Variants in MEGF6 observed in about 807,000 individuals in gnomAD.
The protein encoded by MEGF6 is multiple epidermal growth factor-like domains protein 6.
MEGF6 carries 184 observed loss-of-function variants against 207.1 expected under a neutral mutation model. That is an observed-to-expected ratio of 0.89 (90% confidence interval 0.79 to 1.00). The LOEUF (loss-of-function observed/expected upper bound fraction) is 1.00. Ranked by LOEUF, MEGF6 falls within the 50% of genes least tolerant of loss-of-function variation. MEGF6 has a pLI of 0.00. For missense variants in MEGF6, 2,282 were observed against 2,202.9 expected, an observed-to-expected ratio of 1.04 and a Z score of -0.72; for synonymous variants, 1,038 against 910.0, an observed-to-expected ratio of 1.14 and a Z score of -2.53.
the MEGF6 span, among the ~76,000 whole-genome samples, chr1:3,617,762 G>A: frequency 1.8e-4 from 27 of 152,368 alleles, no homozygotes; most frequent in African/African-American, 4.3e-4. Flanking sequence ...TCGGACAGGC[G>A]TCCTTGTAAG....
At chr1:3,508,932 C>A in intron 12 of MEGF6, 143 bp downstream of exon 12, 1 of 1,124,354 alleles carries the variant, frequency 8.9e-7, no homozygotes, top group African/African-American at 1.6e-5. Context: ...AGTGGCTCAC[C>A]CTCTCTGGGC....
intron 3 of MEGF6, among the ~76,000 whole-genome samples, chr1:3,586,931 G>A (rs2101799712): frequency 6.6e-6 from 1 of 152,324 alleles, no homozygotes; most frequent in Non-Finnish European, 1.5e-5. Context: ...GTGCACCAGA[G>A]CCCAGATCCA....
At position 3,509,886 on chromosome 1, in the gene MEGF6, G is replaced by A; in HGVS notation, c.1341C>T (p.Asp447=). ...SCEAGYRLHE[D]RRGCSPLEEP... Reference sequence around the variant, plus strand: ...GAGACTCACGGCTGCAGCCCCTACGGTCCTCGTGCAGCCGGTAGCCGGCCT... The same window carrying A: ...GAGACTCACGGCTGCAGCCCCTACGATCCTCGTGCAGCCGGTAGCCGGCCT... The change falls in exon 11 of 37, where the codon GAC becomes GAT. Residue 447 remains aspartate (D), a synonymous_variant. Coordinates refer to ENST00000356575, the MANE Select transcript of MEGF6 (RefSeq NM_001409.4). 1 of 1,560,238 alleles carries A rather than the reference G, an allele frequency of 6.4e-7. No individual in the cohort carries two copies. Among genetic ancestry groups the A allele is most frequent in the South Asian group, 1.2e-5 (1 of 84,790 alleles).
At chr1:3,623,913 G>A in the MEGF6 span, among the ~76,000 whole-genome samples, 1 of 152,130 alleles carries the variant, frequency 6.6e-6, no homozygotes, top group Non-Finnish European at 1.5e-5. Context: ...CGCGTGGGAG[G>A]CGCCACTGCA....
At chr1:3,595,542 C>T (rs749175980) in intron 2 of MEGF6, 95 bp from the exon 3 acceptor site, 39 of 1,098,200 alleles carry the variant, frequency 3.6e-5, no homozygotes, top group East Asian at 2.7e-4. Flanking sequence ...CTGCGTCAGC[C>T]GGGTTCCCGG....
Position 3,490,452 on chromosome 1 carries a change from CCTT to C in MEGF6, c.*73_*75del, listed in dbSNP as rs1313751159. On this transcript the variant is annotated 3_prime_UTR_variant, in exon 37 of 37. Transcript: ENST00000356575. ...CAGGAGCTCTGGGCCCGTGAAGTGT[CCTT>C]CTCAGTGGTCACCAAAGGCCAGGGT... is the stretch of plus-strand genomic sequence containing the variant. The C allele has an allele frequency of 7.9e-6, 12 of 1,525,200 alleles. No homozygotes were observed. Among genetic ancestry groups the C allele is most frequent in the Middle Eastern group, 1.7e-4 (1 of 5,880 alleles). The allele number at this position is 1,525,200 out of a possible 1,614,324, so 94.5% of individuals were successfully genotyped here.
At chr1:3,575,774 A>G (rs536689008) in intron 4 of MEGF6, among the ~76,000 whole-genome samples, 1 of 152,230 alleles carries the variant, frequency 6.6e-6, no homozygotes, top group East Asian at 1.9e-4. Flanking sequence ...ACCACCTTCC[A>G]CTGGGTCCCT....
chr1:3,511,053 A>G (rs1641328485), intron 9 of MEGF6, 151 bp from the exon 10 acceptor site: 3 of 1,143,438 alleles, frequency 2.6e-6, no homozygotes, highest in Admixed American at 2.7e-5. Context: ...ACCGACATTC[A>G]TGGCACCTGC....
At chr1:3,506,730 G>T (rs903758638) in intron 14 of MEGF6, among the ~76,000 whole-genome samples, 2 of 152,182 alleles carry the variant, frequency 1.3e-5, no homozygotes, top group Non-Finnish European at 2.9e-5. Context: ...CCTACTGAAG[G>T]CGGTAGTCAG....
intron 11 of MEGF6, 55 bp from the exon 12 acceptor site, chr1:3,509,300 G>A (rs1641242674): frequency 5.1e-6 from 7 of 1,375,982 alleles, no homozygotes; most frequent in Admixed American, 3.4e-5. Context: ...CTGCTCCAGC[G>A]ACCCCCCGGC....
intron 4 of MEGF6, among the ~76,000 whole-genome samples, chr1:3,534,142 C>A (rs1265318893): frequency 1.3e-5 from 2 of 152,308 alleles, no homozygotes; most frequent in Admixed American, 1.3e-4. Context: ...GCCCCAAAGG[C>A]CACCGAGCCA....
chr1:3,549,165 CT>C (rs1262596578), intron 4 of MEGF6, among the ~76,000 whole-genome samples: 2 of 152,202 alleles, frequency 1.3e-5, no homozygotes, highest in African/African-American at 2.4e-5. Flanking sequence ...ACTGGCCCCC[CT>C]AGTCTCGGGG....
intron 1 of MEGF6, among the ~76,000 whole-genome samples, chr1:3,604,021 G>A (rs1022944861): frequency 3.3e-5 from 5 of 152,180 alleles, no homozygotes; most frequent in Admixed American, 2.6e-4. Flanking sequence ...CAAATGGCAG[G>A]GCCTCACCAG....
At chr1:3,496,086 G>A (rs1640592563) in intron 29 of MEGF6, 68 bp from the exon 30 acceptor site, 2 of 1,452,554 alleles carry the variant, frequency 1.4e-6, no homozygotes, top group Non-Finnish European at 1.8e-6. Flanking sequence ...CCCCGGAGTG[G>A]GGATAGGACA....
chr1:3,493,691 A>T, intron 34 of MEGF6, 80 bp downstream of exon 34: 1 of 1,546,782 alleles, frequency 6.5e-7, no homozygotes, highest in Non-Finnish European at 8.8e-7. Context: ...GGACTGGCAC[A>T]GGTAGGGCCC....
At chr1:3,596,464 A>G (rs1239350152) in intron 2 of MEGF6, among the ~76,000 whole-genome samples, 475 of 33,752 alleles carry the variant, frequency 0.014, no homozygotes, top group Middle Eastern at 0.048. Context: ...CCAAGCCCCC[A>G]TCTCCACCCC....
At chr1:3,584,110 T>G (rs1643864126) in intron 3 of MEGF6, among the ~76,000 whole-genome samples, 1 of 152,176 alleles carries the variant, frequency 6.6e-6, no homozygotes, top group Non-Finnish European at 1.5e-5. Flanking sequence ...GGAGGGCCCT[T>G]AGAGGCATCC....
At position 3,496,786 on chromosome 1, in the gene MEGF6, G is replaced by A. The variant is rs368377466; in HGVS notation, c.3614-3C>T. 4.1e-5 allele frequency: 63 copies of A among 1,554,642 alleles called. No homozygotes were observed. The African/African-American group carries it at 8.1e-4, about 20-fold the overall frequency. On this transcript the variant is annotated splice_region_variant and splice_polypyrimidine_tract_variant and intron_variant, in intron 28 of 36. Coordinates refer to ENST00000356575, the MANE Select transcript of MEGF6 (RefSeq NM_001409.4). ...CCCATACCGCCCGGGCGGACATCCT[G>A]CAGGGAGAGGGGCTAGCTGCAGGGG... is the stretch of plus-strand genomic sequence containing the variant.
In MEGF6 at chr1:3,500,776, C is replaced by T. The variant is rs1640825614; in HGVS notation, c.2576-12G>A. On this transcript the variant is annotated splice_polypyrimidine_tract_variant and intron_variant, in intron 20 of 36. Transcript: ENST00000356575. Reference sequence around the variant, plus strand: ...CCCAGTATCACAGGCTGCAACAGAACTCAGGGTCACCCGGCGCAGGCCCAA... The same window carrying T: ...CCCAGTATCACAGGCTGCAACAGAATTCAGGGTCACCCGGCGCAGGCCCAA... 1 of 1,604,608 alleles carries T rather than the reference C, an allele frequency of 6.2e-7. No homozygotes were observed. Among genetic ancestry groups the T allele is most frequent in the Non-Finnish European group, 8.5e-7 (1 of 1,175,736 alleles).
Sources: allele counts gnomAD v4.1 joint callset (sites outside exome capture counted in the v4.1 genomes callset), GRCh38; gene constraint gnomAD v4.1.1; transcripts MANE v1.5; gene names NCBI Gene and HGNC (gene_info 2026-07-23, HGNC 2026-07-21).